The following C1orf159 variants were observed in gnomAD, a reference collection of about 807,000 sequenced individuals.
C1orf159 encodes the protein uncharacterized protein C1orf159.
C1orf159 carries 19 observed loss-of-function variants against 25.6 expected under a neutral mutation model. The observed-to-expected ratio is 0.74, with a 90% CI of 0.52 to 1.09. The LOEUF is 1.09. Ranked by LOEUF, C1orf159 falls within the 50% of genes least tolerant of loss-of-function variation. The pLI is 0.00. For synonymous variants in C1orf159, 139 were observed against 124.7 expected, an observed-to-expected ratio of 1.12 and a Z score of -0.77; for missense variants, 274 against 290.6, an observed-to-expected ratio of 0.94 and a Z score of 0.42.
chr1:1,098,511 A>C (rs187180640), intron 1 of C1orf159, among the ~76,000 whole-genome samples: 1 of 152,254 alleles, frequency 6.6e-6, no homozygotes, highest in Non-Finnish European at 1.5e-5. Flanking sequence ...TGTGCTCAGA[A>C]AGCATACTTT....
rs1486526604 is a variant in C1orf159 at position 1,089,962 on chromosome 1, C to T, written c.148+391G>A. On this transcript the variant is annotated intron_variant, in intron 4 of 9. Coordinates refer to ENST00000421241, the MANE Select transcript of C1orf159 (RefSeq NM_017891.5). The surrounding 1 kb of genome is among the most constrained non-coding windows in gnomAD (Gnocchi z 7.5). Reference sequence around the variant, plus strand: ...GGCATTCCACTCCACGCACCAGGGGCCAGCAGCACCTCTGCCCGAGCACGG... The same window carrying T: ...GGCATTCCACTCCACGCACCAGGGGTCAGCAGCACCTCTGCCCGAGCACGG... Among the ~76,000 whole-genome samples the T allele has an allele frequency of 6.6e-6, 1 of 152,242 alleles. No homozygotes were observed. Among genetic ancestry groups the T allele is most frequent in the East Asian group, 1.9e-4 (1 of 5,202 alleles).
chr1:1,085,821 G>A, intron 7 of C1orf159, 57 bp downstream of exon 7: 2 of 1,598,484 alleles, frequency 1.3e-6, no homozygotes, highest in Non-Finnish European at 1.7e-6. Flanking sequence ...CATCTCCACG[G>A]CTGGATGCCG....
chr1:1,107,169 G>A (rs1018233467), intron 1 of C1orf159, among the ~76,000 whole-genome samples: 6 of 152,386 alleles, frequency 3.9e-5, no homozygotes, highest in Admixed American at 3.9e-4. Context: ...GGACTGGTGG[G>A]CAGCTCTGCC....
intron 1 of C1orf159, among the ~76,000 whole-genome samples, chr1:1,102,683 A>G (rs989276006): frequency 2.0e-5 from 3 of 146,976 alleles, no homozygotes; most frequent in Non-Finnish European, 4.5e-5. Context: ...CTGTAGTCCC[A>G]GCTACTCAGG....
At chr1:1,092,329 T>TGGGATACGGGCCCTCGGC (rs994086128) in intron 1 of C1orf159, 10 of 205,076 alleles carry the variant, frequency 4.9e-5, no homozygotes, top group African/African-American at 2.4e-4. Flanking sequence ...AGGCCCTCGC[T>TGGGATACGGGCCCTCGGC]GGGATACGGG....
chr1:1,104,523 C>T (rs1646144233), intron 1 of C1orf159, among the ~76,000 whole-genome samples: 1 of 152,202 alleles, frequency 6.6e-6, no homozygotes, highest in South Asian at 2.1e-4. Context: ...TACTCTTTCC[C>T]ACTGAAGTAG....
chr1:1,105,354 A>G (rs1399184176), intron 1 of C1orf159, among the ~76,000 whole-genome samples: 1 of 151,990 alleles, frequency 6.6e-6, no homozygotes, highest in East Asian at 1.9e-4. Flanking sequence ...AACCCCTTAC[A>G]GAAATCAGCC....
chr1:1,090,822 A>C (rs1181189398), intron 3 of C1orf159: 3 of 1,453,042 alleles, frequency 2.1e-6, no homozygotes, highest in Non-Finnish European at 2.8e-6. Flanking sequence ...CAGGGGACGA[A>C]TTCACGCCCA....
At chr1:1,093,029 C>G (rs1305124912) in intron 1 of C1orf159, among the ~76,000 whole-genome samples, 2 of 151,698 alleles carry the variant, frequency 1.3e-5, no homozygotes, top group African/African-American at 4.9e-5. Flanking sequence ...GCAAGGGGAA[C>G]TCCGTCTCAA....
rs548013579 is a variant in C1orf159 at position 1,091,124 on chromosome 1, C to T, written c.72+348G>A. On this transcript the variant is annotated intron_variant, in intron 3 of 9. Coordinates refer to ENST00000421241, the MANE Select transcript of C1orf159 (RefSeq NM_017891.5). ...AGGGGTCCCCACCCTCCACCCGCTCCGCCTGGGAGTCTGGAGCCGCCGCAG... is the reference window on the plus strand; with the variant it reads ...AGGGGTCCCCACCCTCCACCCGCTCTGCCTGGGAGTCTGGAGCCGCCGCAG... 41 of 676,246 alleles carry T rather than the reference C, an allele frequency of 6.1e-5. No individual in the cohort carries two copies. The East Asian group carries it at 6.5e-4, about 11-fold the overall frequency. The allele number at this position is 676,246 out of a possible 1,614,324, so 41.9% of individuals were successfully genotyped here.
chr1:1,087,634 A>C lies in C1orf159; in HGVS notation c.149-37T>G. ...AGAGGACGGGCATGTCAGCCAAAGC[A>C]AAATCCACACCAGCTGGGTCTCCTG... On this transcript the variant is annotated intron_variant, in intron 4 of 9. Transcript: ENST00000421241. The surrounding 1 kb of genome is among the most constrained non-coding windows in gnomAD (Gnocchi z 8.3). The C allele has an allele frequency of 7.0e-7, 1 of 1,436,352 alleles. No individual in the cohort carries two copies. Among genetic ancestry groups the C allele is most frequent in the African/African-American group, 1.4e-5 (1 of 70,636 alleles). The allele number at this position is 1,436,352 out of a possible 1,614,324, so 89.0% of individuals were successfully genotyped here. A position where few individuals can be genotyped will look rare whatever the true frequency, so the allele number is the denominator to read the frequency against.
intron 1 of C1orf159, among the ~76,000 whole-genome samples, chr1:1,108,862 G>A (rs556271820): frequency 3.4e-4 from 18 of 53,238 alleles, no homozygotes; most frequent in African/African-American, 1.2e-3. Flanking sequence ...CATCCACCAC[G>A]GCCACCATGT....
At chr1:1,109,010 G>A (rs541326738) in intron 1 of C1orf159, among the ~76,000 whole-genome samples, 1 of 99,112 alleles carries the variant, frequency 1.0e-5, no homozygotes, top group Admixed American at 1.0e-4. Context: ...CAGCAGCACC[G>A]TCCACCACAG....
At chr1:1,090,891 C>A in intron 3 of C1orf159, 2 of 1,550,294 alleles carry the variant, frequency 1.3e-6, no homozygotes, top group Non-Finnish European at 1.7e-6. Context: ...GTGTGAGGGC[C>A]CATTCCCTGA....
At chr1:1,113,456 G>A (rs566231515) in intron 1 of C1orf159, among the ~76,000 whole-genome samples, 2 of 152,232 alleles carry the variant, frequency 1.3e-5, no homozygotes, top group East Asian at 1.9e-4. Context: ...GCATCGTTGC[G>A]ATCTCGGCTC....
Position 1,110,934 on chromosome 1 carries a change from G to C in C1orf159, c.-136+5126C>G, listed in dbSNP as rs904908431. Among the ~76,000 whole-genome samples, 5 of 152,216 alleles carry C rather than the reference G, an allele frequency of 3.3e-5. No homozygotes were observed. Among genetic ancestry groups the C allele is most frequent in the Admixed American group, 2.6e-4 (4 of 15,288 alleles). On this transcript the variant is annotated intron_variant, in intron 1 of 9. Coordinates refer to ENST00000421241, the MANE Select transcript of C1orf159 (RefSeq NM_017891.5). This position sits in a 1 kb window ranked among gnomAD's most constrained non-coding sequence, Gnocchi z 4.8. ...TCACAGCAGCGCTCCTGTCTGGCGCGGCAGGCGGGCGCTGGAGCAGCCTGC... is the reference window on the plus strand; with the variant it reads ...TCACAGCAGCGCTCCTGTCTGGCGCCGCAGGCGGGCGCTGGAGCAGCCTGC...
At chr1:1,084,884 C>A (rs1645804930) in intron 7 of C1orf159, among the ~76,000 whole-genome samples, 1 of 152,154 alleles carries the variant, frequency 6.6e-6, no homozygotes, top group South Asian at 2.1e-4. Context: ...CCGGGAGGAG[C>A]CTCAGGCACG....
At chr1:1,104,291 C>G (rs770271643) in intron 1 of C1orf159, among the ~76,000 whole-genome samples, 1 of 152,226 alleles carries the variant, frequency 6.6e-6, no homozygotes, top group Non-Finnish European at 1.5e-5. Flanking sequence ...CCGGCCCAGA[C>G]AGTGGACTTT....
In C1orf159 at chr1:1,087,903, A is replaced by C. The variant is rs1452505120; in HGVS notation, c.149-306T>G. Among the ~76,000 whole-genome samples, 1 of 146,408 alleles carries C rather than the reference A, an allele frequency of 6.8e-6. No individual in the cohort carries two copies. Among genetic ancestry groups the C allele is most frequent in the Non-Finnish European group, 1.5e-5 (1 of 66,304 alleles). ...ACTCCACGCTGCACTCTCCACGCCG[A>C]GCACCCCAGCCCCGAGTACTCCACG... is the stretch of plus-strand genomic sequence containing the variant. On this transcript the variant is annotated intron_variant, in intron 4 of 9. Coordinates refer to ENST00000421241, the MANE Select transcript of C1orf159 (RefSeq NM_017891.5). This position sits in a 1 kb window ranked among gnomAD's most constrained non-coding sequence, Gnocchi z 8.3.
Sources: gnomAD v4.1 joint callset for allele counts (sites outside exome capture counted in the v4.1 genomes callset) on GRCh38, gnomAD v4.1.1 for gene constraint, Gnocchi (gnomAD v3.1) non-coding constraint, MANE v1.5 for transcripts, NCBI Gene and HGNC (gene_info 2026-07-23, HGNC 2026-07-21) for gene names.